TBC1D22A: variants seen among roughly 807,000 people sequenced by gnomAD.
TBC1D22A encodes the protein TBC1 domain family member 22A.
In TBC1D22A, 38 loss-of-function variants were observed where a neutral mutation model predicts 60.2. The observed-to-expected ratio is 0.63, with a 90% CI of 0.49 to 0.83. The LOEUF is 0.83. Among genes scored for constraint, TBC1D22A ranks in the 40% least tolerant of loss-of-function variants. TBC1D22A has a pLI of 0.00. For missense variants in TBC1D22A, 628 were observed against 701.0 expected, an observed-to-expected ratio of 0.90 and a Z score of 1.18; for synonymous variants, 302 against 281.7, an observed-to-expected ratio of 1.07 and a Z score of -0.72.
In TBC1D22A at chr22:46,886,145, C is replaced by T. The variant is rs532674666; in HGVS notation, c.709-5121C>T. ...CAATCTCCTGACCTCGTGATCTGCC[C>T]GCCTCTGCCTCCCAAAGTGCTGGGA... On this transcript the variant is annotated intron_variant, in intron 5 of 12. Transcript: ENST00000337137. Among the ~76,000 whole-genome samples, 261 of 152,166 alleles carry T rather than the reference C, an allele frequency of 1.7e-3. 1 individual carries two copies. The highest frequency in any genetic ancestry group is 5.7e-3 in the African/African-American group (236 of 41,510).
At chr22:46,908,976 C>T (rs991638838) in intron 7 of TBC1D22A, among the ~76,000 whole-genome samples, 4 of 152,108 alleles carry the variant, frequency 2.6e-5, no homozygotes, top group East Asian at 3.9e-4. Flanking sequence ...GTCGAGGCCC[C>T]GGCCTGCGCA....
intron 8 of TBC1D22A, among the ~76,000 whole-genome samples, chr22:46,949,459 C>T (rs1167046489): frequency 6.6e-6 from 1 of 152,176 alleles, no homozygotes; most frequent in African/African-American, 2.4e-5. Context: ...GCCCTGCCTC[C>T]TGCCACAATG....
chr22:47,023,692 T>C (rs750788240), intron 10 of TBC1D22A, among the ~76,000 whole-genome samples: 2 of 152,236 alleles, frequency 1.3e-5, no homozygotes, highest in African/African-American at 2.4e-5. Flanking sequence ...GCAGCCTGTT[T>C]GGACTATTCA....
At chr22:47,065,229 C>T (rs960340396) in intron 11 of TBC1D22A, among the ~76,000 whole-genome samples, 1 of 152,230 alleles carries the variant, frequency 6.6e-6, no homozygotes, top group East Asian at 1.9e-4. Context: ...ATCTTCTGAC[C>T]TCATGATCCG....
At chr22:47,130,335 A>G (rs1242396394) in intron 12 of TBC1D22A, among the ~76,000 whole-genome samples, 1 of 152,020 alleles carries the variant, frequency 6.6e-6, no homozygotes, top group Admixed American at 6.5e-5. Context: ...GCTCCCCCCA[A>G]GCGCAGCCCC....
chr22:47,060,238 C>CTT (rs3884803), intron 11 of TBC1D22A, among the ~76,000 whole-genome samples: 27 of 111,644 alleles, frequency 2.4e-4, no homozygotes, highest in African/African-American at 3.6e-4. Context: ...GGGTTTCTGA[C>CTT]TTTTTTTTTT....
intron 12 of TBC1D22A, among the ~76,000 whole-genome samples, chr22:47,161,110 C>T (rs2067967272): frequency 6.6e-6 from 1 of 152,210 alleles, no homozygotes; most frequent in African/African-American, 2.4e-5. Context: ...TGGAGGTGTA[C>T]CTCCCTGCTG....
At chr22:47,066,471 GC>G (rs1276427022) in intron 11 of TBC1D22A, among the ~76,000 whole-genome samples, 2 of 152,232 alleles carry the variant, frequency 1.3e-5, no homozygotes, top group African/African-American at 2.4e-5. Context: ...TCATGGCTCA[GC>G]CCCGCGAAGA....
At chr22:47,073,822 A>G (rs1346641280) in intron 11 of TBC1D22A, among the ~76,000 whole-genome samples, 1 of 152,202 alleles carries the variant, frequency 6.6e-6, no homozygotes, top group Non-Finnish European at 1.5e-5. Flanking sequence ...TCTAAAAAAG[A>G]TAGTATTAAA....
At chr22:47,159,929 T>C (rs1398407934) in intron 12 of TBC1D22A, among the ~76,000 whole-genome samples, 3 of 150,926 alleles carry the variant, frequency 2.0e-5, no homozygotes, top group Admixed American at 1.3e-4. Flanking sequence ...CATACATGTG[T>C]CACATGCACA....
At chr22:47,106,823 A>T (rs1348548620) in intron 11 of TBC1D22A, among the ~76,000 whole-genome samples, 1 of 152,212 alleles carries the variant, frequency 6.6e-6, no homozygotes. Context: ...GATCGAGACC[A>T]TCCTGGCCAA....
intron 4 of TBC1D22A, among the ~76,000 whole-genome samples, chr22:46,873,908 T>C (rs2147452661): frequency 6.6e-6 from 1 of 152,290 alleles, no homozygotes; most frequent in East Asian, 1.9e-4. Context: ...ACCATTCTTC[T>C]GCCTCAGCCT....
intron 4 of TBC1D22A, among the ~76,000 whole-genome samples, chr22:46,826,839 C>T (rs2086089714): frequency 6.6e-6 from 1 of 152,186 alleles, no homozygotes; most frequent in Non-Finnish European, 1.5e-5. Context: ...TTGCCCCATC[C>T]AGAGTGAAAC....
intron 7 of TBC1D22A, among the ~76,000 whole-genome samples, chr22:46,911,289 G>C (rs567212024): frequency 1.7e-4 from 26 of 152,248 alleles, no homozygotes; most frequent in African/African-American, 6.3e-4. Flanking sequence ...CTGAGATTTC[G>C]TAAGTGATGG....
intron 9 of TBC1D22A, 25 bp downstream of exon 9, chr22:46,974,424 C>A (rs774780731): frequency 2.5e-6 from 4 of 1,574,284 alleles, no homozygotes; most frequent in Non-Finnish European, 3.5e-6. Context: ...CCACGGGACA[C>A]AGCCCACGCC....
At chr22:47,038,498 G>C (rs1274105193) in intron 11 of TBC1D22A, among the ~76,000 whole-genome samples, 1 of 152,226 alleles carries the variant, frequency 6.6e-6, no homozygotes. Flanking sequence ...CTGACCAGCT[G>C]CTCCCACAGG....
chr22:46,915,880 G>C, intron 8 of TBC1D22A: 1 of 451,360 alleles, frequency 2.2e-6, no homozygotes, highest in Non-Finnish European at 4.5e-6. Context: ...GTGGCTCATC[G>C]TTCTGGCTGT....
chr22:47,172,506 A>G lies in TBC1D22A; in HGVS notation c.1426-992A>G, dbSNP rs552623989. 2.6e-5 allele frequency among the ~76,000 whole-genome samples: 4 copies of G among 152,188 alleles called. No individual in the cohort carries two copies. The East Asian group carries it at 7.7e-4, about 29-fold the overall frequency. On this transcript the variant is annotated intron_variant, in intron 12 of 12. Coordinates refer to ENST00000337137, the MANE Select transcript of TBC1D22A (RefSeq NM_014346.5). ...TGTTGCTTATTCCCTATAGTTCCCT[A>G]TTTTCCTACTTACATGCATGTCATT...
chr22:47,031,631 G>A (rs964280819), intron 10 of TBC1D22A, among the ~76,000 whole-genome samples: 5 of 151,732 alleles, frequency 3.3e-5, no homozygotes, highest in Non-Finnish European at 7.4e-5. Flanking sequence ...GTGTGGGGTC[G>A]TTTCAAGGGG....
Sources: allele counts gnomAD v4.1 joint callset (sites outside exome capture counted in the v4.1 genomes callset), GRCh38; gene constraint gnomAD v4.1.1; transcripts MANE v1.5; gene names NCBI Gene and HGNC (gene_info 2026-07-23, HGNC 2026-07-21).